XRCC6: variants seen among roughly 807,000 people sequenced by gnomAD.
XRCC6 encodes DNA repair protein Ku70.
XRCC6 carries 5 observed loss-of-function variants against 65.7 expected under a neutral mutation model. The observed-to-expected ratio is 0.08, with a 90% CI of 0.04 to 0.16. The LOEUF is 0.16. Ranked by LOEUF, XRCC6 falls within the 10% of genes least tolerant of loss-of-function variation. The probability of loss-of-function intolerance (pLI) is 1.00; values close to 1 mark genes in which losing one functional copy is unlikely to be tolerated. For missense variants in XRCC6, 447 were observed against 738.1 expected (o/e 0.61, Z 4.57); for synonymous variants, 270 against 270.6 (o/e 1.00, Z 0.02).
chr22:41,656,587 T>C (rs1405925391), intron 9 of XRCC6, among the ~76,000 whole-genome samples: 2 of 152,188 alleles, frequency 1.3e-5, no homozygotes, highest in Non-Finnish European at 2.9e-5. Context: ...CAAACATGTT[T>C]CAATTGACGG....
chr22:41,632,885 T>C (rs2067770944), intron 3 of XRCC6, among the ~76,000 whole-genome samples: 1 of 150,822 alleles, frequency 6.6e-6, no homozygotes, highest in African/African-American at 2.4e-5. Flanking sequence ...TCCCAGCACT[T>C]TGGGAGGCCG....
chr22:41,643,427 A>G (rs2067898957), intron 6 of XRCC6, among the ~76,000 whole-genome samples: 1 of 151,648 alleles, frequency 6.6e-6, no homozygotes, highest in Non-Finnish European at 1.5e-5. Context: ...AAGAAAACAA[A>G]AAAGTGTTAA....
intron 7 of XRCC6, among the ~76,000 whole-genome samples, chr22:41,647,487 A>G (rs1202408477): frequency 6.6e-6 from 1 of 151,132 alleles, no homozygotes; most frequent in Non-Finnish European, 1.5e-5. Flanking sequence ...AGGCTGAGGC[A>G]GGAGAATCAC....
chr22:41,621,625 T>C lies in XRCC6; in HGVS notation c.-16+280T>C, dbSNP rs72547477. 2.1e-3 allele frequency: 409 copies of C among 190,718 alleles called. 5 individuals carry two copies. Among genetic ancestry groups the C allele is most frequent in the African/African-American group, 6.2e-3 (263 of 42,318 alleles). The allele number at this position is 190,718 out of a possible 1,614,324, so 11.8% of individuals were successfully genotyped here. On this transcript the variant is annotated intron_variant, in intron 1 of 12. Transcript: ENST00000360079. ...GCGTTTGAGATCTCATTGGGCGTGA[T>C]TGAGGAATTTGGGGAGGTTTTTGGG...
At chr22:41,656,878 AAG>A (rs2068050021) in intron 9 of XRCC6, 23 bp from the exon 10 acceptor site, 1 of 1,611,700 alleles carries the variant, frequency 6.2e-7, no homozygotes, top group African/African-American at 1.3e-5. Context: ...AGTCAAATCA[AAG>A]AAAATTTATC....
At chr22:41,627,558 C>T (rs1480643600) in intron 2 of XRCC6, among the ~76,000 whole-genome samples, 1 of 148,158 alleles carries the variant, frequency 6.7e-6, no homozygotes, top group African/African-American at 2.5e-5. Flanking sequence ...TCGTAGTAAG[C>T]CGAGATTGTG....
intron 2 of XRCC6, among the ~76,000 whole-genome samples, chr22:41,624,841 C>G (rs1363996709): frequency 6.7e-6 from 1 of 149,806 alleles, no homozygotes; most frequent in African/African-American, 2.5e-5. Flanking sequence ...ACTAAAAATA[C>G]AAAAAAATAG....
intron 3 of XRCC6, among the ~76,000 whole-genome samples, chr22:41,630,932 C>T (rs1471949119): frequency 1.3e-5 from 2 of 152,250 alleles, no homozygotes; most frequent in Non-Finnish European, 2.9e-5. Context: ...TTCTATTCCA[C>T]AAAACCACCA....
intron 2 of XRCC6, among the ~76,000 whole-genome samples, chr22:41,626,426 C>G (rs761777159): frequency 6.6e-6 from 1 of 152,100 alleles, no homozygotes. Flanking sequence ...CAGGCGTGAG[C>G]CACTGTGCCC....
intron 3 of XRCC6, among the ~76,000 whole-genome samples, chr22:41,629,527 C>T (rs2067716513): frequency 6.6e-6 from 1 of 152,134 alleles, no homozygotes; most frequent in African/African-American, 2.4e-5. Context: ...GGTTGGTTAC[C>T]TGAGGCACAG....
intron 3 of XRCC6, among the ~76,000 whole-genome samples, chr22:41,628,746 G>A (rs376068732): frequency 2.0e-5 from 3 of 151,940 alleles, no homozygotes; most frequent in Admixed American, 6.6e-5. Flanking sequence ...TGAGGCAGGC[G>A]GATCATGAGG....
At chr22:41,654,869 C>T (rs972737722) in intron 9 of XRCC6, among the ~76,000 whole-genome samples, 1 of 152,178 alleles carries the variant, frequency 6.6e-6, no homozygotes, top group Non-Finnish European at 1.5e-5. Context: ...ACAGTAAATA[C>T]AGGAGGGCCG....
At chr22:41,663,252 A>C (rs2068115802) in intron 12 of XRCC6, among the ~76,000 whole-genome samples, 1 of 152,100 alleles carries the variant, frequency 6.6e-6, no homozygotes, top group African/African-American at 2.4e-5. Context: ...CTGCAGGTGC[A>C]CACCACCATG....
intron 6 of XRCC6, among the ~76,000 whole-genome samples, chr22:41,643,418 A>G (rs917942681): frequency 6.6e-5 from 10 of 152,004 alleles, no homozygotes; most frequent in South Asian, 4.2e-4. Flanking sequence ...CAAAAACAAA[A>G]GAAAACAAAA....
At chr22:41,652,489 C>T (rs893122658) in intron 8 of XRCC6, among the ~76,000 whole-genome samples, 13 of 151,804 alleles carry the variant, frequency 8.6e-5, no homozygotes, top group East Asian at 3.9e-4. Flanking sequence ...CTCACCCTCT[C>T]GAGCAACTGG....
In XRCC6 at chr22:41,656,896, T is replaced by C. The variant is rs1455625381; in HGVS notation, c.1292-7T>C. 1 of 1,612,602 alleles carries C rather than the reference T, an allele frequency of 6.2e-7. No homozygotes were observed. Among genetic ancestry groups the C allele is most frequent in the South Asian group, 1.1e-5 (1 of 90,970 alleles). ...CAAATCAAAGAAAATTTATCTCCTT[T>C]CTTCAGGCTTCCAGCTGGTCTTTTT... On this transcript the variant is annotated splice_region_variant and splice_polypyrimidine_tract_variant and intron_variant, in intron 9 of 12. Transcript: ENST00000360079.
chr22:41,650,983 C>T (rs2067989152), intron 8 of XRCC6, 92 bp downstream of exon 8: 18 of 1,485,282 alleles, frequency 1.2e-5, no homozygotes, highest in Non-Finnish European at 1.4e-5. Context: ...GGACACTGTA[C>T]AGGAAATGTT....
chr22:41,637,182 C>G (rs2067818974), intron 5 of XRCC6, among the ~76,000 whole-genome samples: 2 of 146,770 alleles, frequency 1.4e-5, no homozygotes, highest in Non-Finnish European at 3.0e-5. Context: ...CTTCCAGATT[C>G]AAGCGATTCA....
At chr22:41,629,025 C>A (rs2067711261) in intron 3 of XRCC6, among the ~76,000 whole-genome samples, 1 of 139,372 alleles carries the variant, frequency 7.2e-6, no homozygotes, top group African/African-American at 2.7e-5. Flanking sequence ...CCAACAAGCA[C>A]AGGAAAAGAT....
Sources: gnomAD v4.1 joint callset for allele counts (sites outside exome capture counted in the v4.1 genomes callset) on GRCh38, gnomAD v4.1.1 for gene constraint, MANE v1.5 for transcripts, NCBI Gene and HGNC (gene_info 2026-07-23, HGNC 2026-07-21) for gene names.